The following NALCN variants were observed in gnomAD, a reference collection of about 807,000 sequenced individuals.
NALCN encodes the protein sodium leak channel NALCN.
A neutral mutation model predicts 225.3 loss-of-function variants in NALCN; 111 were observed. The ratio of observed to expected loss-of-function variants is 0.49; its 90% CI spans 0.42 to 0.58. The LOEUF (loss-of-function observed/expected upper bound fraction) is 0.58. Among genes scored for constraint, NALCN ranks in the 20% least tolerant of loss-of-function variants. The pLI is 0.00. For synonymous variants in NALCN, 764 were observed against 769.0 expected (o/e 0.99, Z 0.11); for missense variants, 1,378 against 2,202.4 (o/e 0.63, Z 7.49).
chr13:101,178,346 T>G (rs9518334), intron 14 of NALCN, among the ~76,000 whole-genome samples: 2 of 151,920 alleles, frequency 1.3e-5, no homozygotes, highest in East Asian at 3.9e-4. Context: ...AGTACAAACA[T>G]GAATCTAAAA....
intron 14 of NALCN, among the ~76,000 whole-genome samples, chr13:101,183,628 T>C (rs1353102719): frequency 6.6e-6 from 1 of 152,002 alleles, no homozygotes; most frequent in Non-Finnish European, 1.5e-5. Flanking sequence ...CCAGGCTAAT[T>C]TTTGTGTGTT....
intron 3 of NALCN, among the ~76,000 whole-genome samples, chr13:101,384,359 T>C (rs1027093676): frequency 6.6e-6 from 1 of 152,112 alleles, no homozygotes; most frequent in Non-Finnish European, 1.5e-5. Flanking sequence ...GAGCTGTATA[T>C]GTCAATTTTT....
At chr13:101,163,433 A>G (rs2038285335) in intron 15 of NALCN, among the ~76,000 whole-genome samples, 2 of 152,164 alleles carry the variant, frequency 1.3e-5, no homozygotes, top group Non-Finnish European at 2.9e-5. Flanking sequence ...AAAGGTCTCT[A>G]AAACAATGTC....
intron 7 of NALCN, among the ~76,000 whole-genome samples, chr13:101,316,399 G>A (rs906752105): frequency 8.6e-5 from 13 of 152,022 alleles, no homozygotes; most frequent in African/African-American, 2.7e-4. Flanking sequence ...TGGTTAGGGC[G>A]ACCTCCTAGG....
At position 101,147,343 on chromosome 13, in the gene NALCN, CCTCT is replaced by C. The variant is rs1157389056; in HGVS notation, c.1840-2451_1840-2448del. On this transcript the variant is annotated intron_variant, in intron 15 of 43. Coordinates refer to ENST00000251127, the MANE Select transcript of NALCN (RefSeq NM_052867.4). ...AATGGCATTCCACTGCCTTTTTCTTCCTCTCTCTCTCTTTTTTTTTTTTTTTTTT... is the reference window on the plus strand; with the variant it reads ...AATGGCATTCCACTGCCTTTTTCTTCCTCTCTCTTTTTTTTTTTTTTTTTT... Among the ~76,000 whole-genome samples, 325 of 147,686 alleles carry C rather than the reference CCTCT, an allele frequency of 2.2e-3. 2 individuals carry two copies. The highest frequency in any genetic ancestry group is 7.1e-3 in the African/African-American group (281 of 39,798).
chr13:101,192,354 A>AT (rs934871403), intron 13 of NALCN, among the ~76,000 whole-genome samples: 1 of 152,084 alleles, frequency 6.6e-6, no homozygotes, highest in South Asian at 2.1e-4. Flanking sequence ...TTTGCCGTTA[A>AT]TTTTTTTCCT....
chr13:101,417,121 A>G (rs978797152), upstream of NALCN, among the ~76,000 whole-genome samples: 2 of 152,130 alleles, frequency 1.3e-5, no homozygotes, highest in African/African-American at 4.8e-5. Context: ...GTATACCTGG[A>G]CAGCAGACTG....
At chr13:101,175,054 T>C (rs2038902459) in intron 15 of NALCN, among the ~76,000 whole-genome samples, 1 of 152,214 alleles carries the variant, frequency 6.6e-6, no homozygotes, top group South Asian at 2.1e-4. Context: ...TTTTCATTGA[T>C]GGCATAAAGG....
At chr13:101,156,914 T>C (rs1302003120) in intron 15 of NALCN, among the ~76,000 whole-genome samples, 1 of 152,218 alleles carries the variant, frequency 6.6e-6, no homozygotes, top group Non-Finnish European at 1.5e-5. Context: ...ATTATCATTT[T>C]TGTGTATGTC....
chr13:101,414,811 A>C (rs1439846231), intron 1 of NALCN, among the ~76,000 whole-genome samples: 1 of 152,192 alleles, frequency 6.6e-6, no homozygotes, highest in African/African-American at 2.4e-5. Context: ...CTTATCAGTG[A>C]CGGCACATTT....
intron 7 of NALCN, among the ~76,000 whole-genome samples, chr13:101,311,417 G>C (rs1369627080): frequency 6.7e-6 from 1 of 149,666 alleles, no homozygotes; most frequent in African/African-American, 2.5e-5. Context: ...AGTGGTGAGA[G>C]AGGGCATCCC....
Position 101,068,794 on chromosome 13 carries a change from T to A in NALCN, c.4231A>T (p.Thr1411Ser). Residue 1411 changes from threonine to serine, a missense_variant, in exon 38 of 44, where the codon ACA becomes TCA. Physicochemically the swap from Thr to Ser is moderately conservative, Grantham distance 58 (BLOSUM62 1). Around this residue, in one of 19 missense-constraint regions of NALCN, gnomAD observed 76 missense variants for 118.7 expected, o/e 0.64. Coordinates refer to ENST00000251127, the MANE Select transcript of NALCN (RefSeq NM_052867.4). The part of the protein sequence containing the change: ...QPPFCTPDEF[T>S]YWATDCGNYA... ...TTTCCACAGTCTGTTGCCCAGTATG[T>A]AAATTCATCTGGAGTACAAAACGGA... is the stretch of plus-strand genomic sequence containing the variant. 6.2e-7 allele frequency: 1 copy of A among 1,612,160 alleles called. No individual in the cohort carries two copies.
chr13:101,078,877 C>T (rs770680303), intron 34 of NALCN, among the ~76,000 whole-genome samples: 3 of 152,182 alleles, frequency 2.0e-5, no homozygotes, highest in Non-Finnish European at 2.9e-5. Context: ...CCATTATCTC[C>T]ACATGTTGTG....
intron 13 of NALCN, among the ~76,000 whole-genome samples, chr13:101,207,311 C>T (rs1420235752): frequency 4.6e-5 from 7 of 152,146 alleles, no homozygotes; most frequent in Admixed American, 3.9e-4. Context: ...GTCCATTTGA[C>T]ATTTTCTTAC....
At chr13:101,250,325 T>C (rs2042023623) in intron 11 of NALCN, among the ~76,000 whole-genome samples, 1 of 151,988 alleles carries the variant, frequency 6.6e-6, no homozygotes, top group South Asian at 2.1e-4. Context: ...ATAAAACAAA[T>C]CTGAAGAAGA....
intron 14 of NALCN, among the ~76,000 whole-genome samples, chr13:101,187,992 TC>T (rs993204078): frequency 9.9e-5 from 15 of 152,116 alleles, no homozygotes; most frequent in African/African-American, 3.4e-4. Flanking sequence ...GGCTTGCAGG[TC>T]CCTAGTATAG....
chr13:101,142,113 T>G (rs1041902582), intron 17 of NALCN, among the ~76,000 whole-genome samples: 2 of 151,062 alleles, frequency 1.3e-5, no homozygotes, highest in African/African-American at 4.9e-5. Flanking sequence ...GTTTACTTAT[T>G]ATACCTAGAT....
chr13:101,088,201 C>T (rs1377752665), intron 30 of NALCN, among the ~76,000 whole-genome samples: 3 of 152,104 alleles, frequency 2.0e-5, no homozygotes, highest in African/African-American at 7.2e-5. Flanking sequence ...AAATCTCACC[C>T]TTTGAAAGCC....
intron 7 of NALCN, among the ~76,000 whole-genome samples, chr13:101,331,130 G>C (rs1455433006): frequency 1.3e-5 from 2 of 152,106 alleles, no homozygotes; most frequent in Non-Finnish European, 2.9e-5. Flanking sequence ...GTTCAGGCCA[G>C]AGTACCCCTG....
Sources: allele counts gnomAD v4.1 joint callset (sites outside exome capture counted in the v4.1 genomes callset), GRCh38; gene constraint gnomAD v4.1.1; regional missense constraint gnomAD v4.1.1; transcripts MANE v1.5; gene names NCBI Gene and HGNC (gene_info 2026-07-23, HGNC 2026-07-21).